The following CD247 variants were observed in gnomAD, a reference collection of about 807,000 sequenced individuals.
The protein encoded by CD247 is CD247 molecule, also known as T-cell surface glycoprotein CD3 zeta chain.
CD247 carries 13 observed loss-of-function variants against 30.0 expected under a neutral mutation model. That is an observed-to-expected ratio of 0.43 (90% CI 0.28 to 0.69). The LOEUF is 0.69. Among genes scored for constraint, CD247 ranks in the 30% least tolerant of loss-of-function variants. CD247 has a pLI of 0.16. For missense variants in CD247, 193 were observed against 212.6 expected, an observed-to-expected ratio of 0.91 and a Z score of 0.57; for synonymous variants, 72 against 80.0, an observed-to-expected ratio of 0.90 and a Z score of 0.53.
intron 1 of CD247, among the ~76,000 whole-genome samples, chr1:167,506,892 ATTTTTT>A (rs10587631): frequency 1.0e-5 from 1 of 97,984 alleles, no homozygotes. Flanking sequence ...GTTCCCTCTG[ATTTTTT>A]TTTTTTTTTT....
In CD247 at chr1:167,431,500, A is replaced by G; in HGVS notation, c.*181T>C. On this transcript the variant is annotated 3_prime_UTR_variant, in exon 8 of 8. Transcript: ENST00000362089. ...GCCCTGGGAGTACACTCCCTTAAAGAGTGCAGGGACAACAGTCTGTGTGTG... is the reference window on the plus strand; with the variant it reads ...GCCCTGGGAGTACACTCCCTTAAAGGGTGCAGGGACAACAGTCTGTGTGTG... 1.5e-6 allele frequency: 1 copy of G among 687,982 alleles called. No homozygotes were observed. Among genetic ancestry groups the G allele is most frequent in the Non-Finnish European group, 2.6e-6 (1 of 378,158 alleles). The allele number at this position is 687,982 out of a possible 1,614,324, so 42.6% of individuals were successfully genotyped here.
chr1:167,506,040 G>A (rs952192251), intron 1 of CD247, among the ~76,000 whole-genome samples: 13 of 152,144 alleles, frequency 8.5e-5, no homozygotes, highest in African/African-American at 3.1e-4. Flanking sequence ...CTTATGACAT[G>A]GCAATTTCTT....
chr1:167,435,819 G>C (rs111604851), intron 4 of CD247, among the ~76,000 whole-genome samples: 62 of 152,350 alleles, frequency 4.1e-4, no homozygotes, highest in African/African-American at 1.4e-3. Flanking sequence ...CTACTGAAAG[G>C]TGCCCTCCCC....
At position 167,431,705 on chromosome 1, in the gene CD247, G is replaced by A; in HGVS notation, c.471C>T (p.His157=). 6.2e-7 allele frequency: 1 copy of A among 1,614,172 alleles called. No homozygotes were observed. Among genetic ancestry groups the A allele is most frequent in the Middle Eastern group, 1.6e-4 (1 of 6,062 alleles). Residue 157 remains histidine, a synonymous_variant, in exon 8 of 8, where the codon CAC becomes CAT. Coordinates refer to ENST00000362089, the MANE Select transcript of CD247 (RefSeq NM_198053.3). ...GTTAGCGAGGGGGCAGGGCCTGCATGTGAAGGGCGTCGTAGGTGTCCTTGG... is the reference window on the plus strand; with the variant it reads ...GTTAGCGAGGGGGCAGGGCCTGCATATGAAGGGCGTCGTAGGTGTCCTTGG... ...TATKDTYDAL[H]MQALPPR
Position 167,496,455 on chromosome 1 carries a change from G to A in CD247, c.58+21953C>T, listed in dbSNP as rs76817606. Among the ~76,000 whole-genome samples, 5 of 152,336 alleles carry A rather than the reference G, an allele frequency of 3.3e-5. No individual in the cohort carries two copies. In the East Asian group the frequency reaches 9.6e-4, roughly 29 times the overall value. On this transcript the variant is annotated intron_variant, in intron 1 of 7. Transcript: ENST00000362089. ...GCTCTTTGGGTCAGTACTTGAACCTGCCTGAGAGGGGATCTGCTTAAAAGC... is the reference window on the plus strand; with the variant it reads ...GCTCTTTGGGTCAGTACTTGAACCTACCTGAGAGGGGATCTGCTTAAAAGC...
At chr1:167,444,930 C>CA (rs1553229543) in intron 1 of CD247, among the ~76,000 whole-genome samples, 5 of 144,456 alleles carry the variant, frequency 3.5e-5, no homozygotes, top group Non-Finnish European at 6.1e-5. Flanking sequence ...AAATACGATA[C>CA]TTTTTTTTTT....
chr1:167,499,334 C>T (rs972028291), intron 1 of CD247, among the ~76,000 whole-genome samples: 14 of 152,134 alleles, frequency 9.2e-5, no homozygotes, highest in Non-Finnish European at 2.1e-4. Flanking sequence ...GGTCGAGAAA[C>T]CCTGCTCCAA....
intron 1 of CD247, among the ~76,000 whole-genome samples, chr1:167,462,555 G>A (rs144786894): frequency 6.6e-6 from 1 of 152,214 alleles, no homozygotes; most frequent in Non-Finnish European, 1.5e-5. Context: ...CCAAGGGAGA[G>A]AGCTGCACAG....
intron 1 of CD247, among the ~76,000 whole-genome samples, chr1:167,469,441 T>C (rs943056220): frequency 6.6e-6 from 1 of 152,136 alleles, no homozygotes; most frequent in Non-Finnish European, 1.5e-5. Context: ...GGAAATCGAG[T>C]CTTTCCCTGT....
At chr1:167,512,952 A>C (rs1655455353) in intron 1 of CD247, among the ~76,000 whole-genome samples, 1 of 152,258 alleles carries the variant, frequency 6.6e-6, no homozygotes, top group African/African-American at 2.4e-5. Flanking sequence ...GATTGTTTTC[A>C]ACAGAAGTCT....
intron 1 of CD247, among the ~76,000 whole-genome samples, chr1:167,470,898 G>A (rs1307613605): frequency 1.4e-5 from 2 of 142,952 alleles, no homozygotes; most frequent in African/African-American, 5.2e-5. Context: ...TTGAGATGGA[G>A]TCTCACTCTG....
chr1:167,505,444 T>G (rs780764554), intron 1 of CD247, among the ~76,000 whole-genome samples: 17 of 152,376 alleles, frequency 1.1e-4, no homozygotes, highest in Admixed American at 2.0e-4. Flanking sequence ...CATGTATGTG[T>G]GTGTCTATAG....
At chr1:167,503,113 C>G (rs2102101828) in intron 1 of CD247, among the ~76,000 whole-genome samples, 1 of 152,282 alleles carries the variant, frequency 6.6e-6, no homozygotes, top group Non-Finnish European at 1.5e-5. Context: ...GCTGGCAAGT[C>G]CCAGGAAACT....
At chr1:167,459,109 T>G (rs2102026693) in intron 1 of CD247, among the ~76,000 whole-genome samples, 1 of 151,270 alleles carries the variant, frequency 6.6e-6, no homozygotes, top group African/African-American at 2.4e-5. Context: ...CACTCCAGCC[T>G]TGGTGACAGA....
chr1:167,438,709 A>T, intron 3 of CD247, 59 bp from the exon 4 acceptor site: 1 of 1,350,708 alleles, frequency 7.4e-7, no homozygotes, highest in Non-Finnish European at 1.1e-6. Context: ...GGATGGAGCC[A>T]GCTGGACTGG....
At chr1:167,493,899 C>T (rs909017206) in intron 1 of CD247, among the ~76,000 whole-genome samples, 5 of 152,150 alleles carry the variant, frequency 3.3e-5, no homozygotes, top group African/African-American at 1.2e-4. Flanking sequence ...GAAGCATGTG[C>T]CCTGGTCAGG....
chr1:167,463,351 C>T (rs1653107835), intron 1 of CD247, among the ~76,000 whole-genome samples: 1 of 152,170 alleles, frequency 6.6e-6, no homozygotes, highest in Non-Finnish European at 1.5e-5. Context: ...CCAGGATGCA[C>T]CCAATTAGCA....
At chr1:167,500,449 A>G (rs1310683404) in intron 1 of CD247, among the ~76,000 whole-genome samples, 3 of 152,252 alleles carry the variant, frequency 2.0e-5, no homozygotes, top group African/African-American at 7.2e-5. Context: ...AAAATATGCC[A>G]TGCTTTGATT....
chr1:167,449,583 G>T (rs1250163156), intron 1 of CD247, among the ~76,000 whole-genome samples: 1 of 152,164 alleles, frequency 6.6e-6, no homozygotes, highest in Non-Finnish European at 1.5e-5. Flanking sequence ...ATGGCAGATG[G>T]CTGACCAAAG....
Sources: gnomAD v4.1 joint callset for allele counts (sites outside exome capture counted in the v4.1 genomes callset) on GRCh38, gnomAD v4.1.1 for gene constraint, MANE v1.5 for transcripts, NCBI Gene and HGNC (gene_info 2026-07-23, HGNC 2026-07-21) for gene names.